Variants in PRIM2 observed in about 807,000 individuals in gnomAD.
PRIM2 encodes DNA primase large subunit.
A neutral mutation model predicts 67.3 loss-of-function variants in PRIM2; 39 were observed. That is an observed-to-expected ratio of 0.58 (90% CI 0.45 to 0.76). The LOEUF is 0.76. Ranked by LOEUF, PRIM2 falls within the 30% of genes least tolerant of loss-of-function variation. The pLI, the probability that PRIM2 is intolerant of heterozygous loss-of-function variation, is 0.00. For synonymous variants in PRIM2, 143 were observed against 198.7 expected (o/e 0.72, Z 2.36); for missense variants, 398 against 598.7 (o/e 0.66, Z 3.50).
chr6:57,612,967 T>C (rs1194391235), intron 12 of PRIM2, among the ~76,000 whole-genome samples: 97 of 152,140 alleles, frequency 6.4e-4, no homozygotes, highest in African/African-American at 2.3e-3. Flanking sequence ...GCTAATTTTT[T>C]ACTTTTTTGT....
chr6:57,365,083 T>C (rs1465072216), intron 5 of PRIM2, among the ~76,000 whole-genome samples: 2 of 151,722 alleles, frequency 1.3e-5, no homozygotes, highest in African/African-American at 4.8e-5. Context: ...GCTGGAGAGG[T>C]GATGGTCTAA....
intron 13 of PRIM2, among the ~76,000 whole-genome samples, chr6:57,644,166 C>G (rs1357817263): frequency 6.6e-6 from 1 of 152,192 alleles, no homozygotes; most frequent in Non-Finnish European, 1.5e-5. Context: ...TGGCCCCTGC[C>G]TGTCTTTCCA....
At chr6:57,625,245 A>G (rs1247396759) in intron 12 of PRIM2, among the ~76,000 whole-genome samples, 4 of 152,174 alleles carry the variant, frequency 2.6e-5, no homozygotes, top group Non-Finnish European at 5.9e-5. Context: ...ATTAATTTAA[A>G]TAAGGTTGTT....
At chr6:57,545,219 G>C (rs1307891376) in intron 10 of PRIM2, among the ~76,000 whole-genome samples, 4 of 151,880 alleles carry the variant, frequency 2.6e-5, no homozygotes, top group Admixed American at 6.6e-5. Context: ...ATTTAACATA[G>C]TATCATATTA....
At chr6:57,451,601 A>T (rs1772552249) in intron 7 of PRIM2, among the ~76,000 whole-genome samples, 1 of 152,186 alleles carries the variant, frequency 6.6e-6, no homozygotes, top group Non-Finnish European at 1.5e-5. Context: ...AAAGAAAAGG[A>T]AAGAATTGTA....
At chr6:57,473,612 C>G (rs1264194210) in intron 7 of PRIM2, among the ~76,000 whole-genome samples, 1 of 152,114 alleles carries the variant, frequency 6.6e-6, no homozygotes, top group Admixed American at 6.5e-5. Context: ...TTCCCCTTCC[C>G]TTTGTTTTCA....
intron 12 of PRIM2, among the ~76,000 whole-genome samples, chr6:57,611,792 C>T (rs1388981086): frequency 6.6e-6 from 1 of 152,000 alleles, no homozygotes; most frequent in Non-Finnish European, 1.5e-5. Context: ...CTGCAAAAGA[C>T]AGCTTTAAGA....
At chr6:57,517,674 T>G (rs1479571808) in intron 8 of PRIM2, among the ~76,000 whole-genome samples, 65 of 152,274 alleles carry the variant, frequency 4.3e-4, no homozygotes, top group African/African-American at 1.6e-3. Context: ...GGCTTAGAGT[T>G]TCAAATCTGA....
the PRIM2 span, among the ~76,000 whole-genome samples, chr6:57,296,533 A>G: frequency 6.6e-6 from 1 of 151,950 alleles, no homozygotes; most frequent in Admixed American, 6.6e-5. Flanking sequence ...TGTAAATTGT[A>G]TGTATATATA....
At chr6:57,462,466 A>C (rs1464375650) in intron 7 of PRIM2, among the ~76,000 whole-genome samples, 1 of 152,222 alleles carries the variant, frequency 6.6e-6, no homozygotes, top group Non-Finnish European at 1.5e-5. Context: ...AAATGAGATT[A>C]ATTAGCCTCT....
the PRIM2 span, among the ~76,000 whole-genome samples, chr6:57,289,025 C>G: frequency 6.6e-6 from 1 of 152,148 alleles, no homozygotes; most frequent in Non-Finnish European, 1.5e-5. Flanking sequence ...GGAGCATGTT[C>G]TAACCCATCT....
chr6:57,446,836 G>C (rs141289550), intron 7 of PRIM2, among the ~76,000 whole-genome samples: 2 of 152,128 alleles, frequency 1.3e-5, no homozygotes, highest in African/African-American at 4.8e-5. Flanking sequence ...TCCACCATCT[G>C]CTTGTGCACC....
At chr6:57,525,464 C>T (rs1257670999) in intron 8 of PRIM2, among the ~76,000 whole-genome samples, 2 of 152,136 alleles carry the variant, frequency 1.3e-5, no homozygotes, top group Admixed American at 1.3e-4. Context: ...CTAATTCTTC[C>T]ACTTTACTCC....
chr6:57,224,204 G>C, the PRIM2 span, among the ~76,000 whole-genome samples: 1 of 152,220 alleles, frequency 6.6e-6, no homozygotes, highest in African/African-American at 2.4e-5. Context: ...AGGAGGCTGA[G>C]ATGGGAGGAT....
At chr6:57,337,396 A>G in intron 5 of PRIM2, among the ~76,000 whole-genome samples, 1 of 151,906 alleles carries the variant, frequency 6.6e-6, no homozygotes, top group Non-Finnish European at 1.5e-5. Flanking sequence ...CCCCAAATCA[A>G]CAGAATATAC....
At chr6:57,559,178 T>TA (rs1775580151) in intron 10 of PRIM2, among the ~76,000 whole-genome samples, 3 of 151,588 alleles carry the variant, frequency 2.0e-5, no homozygotes, top group Non-Finnish European at 1.5e-5. Context: ...GATACAAAGA[T>TA]ATAAGATCAG....
chr6:57,499,648 C>T (rs1173168100), intron 7 of PRIM2, among the ~76,000 whole-genome samples: 1 of 152,166 alleles, frequency 6.6e-6, no homozygotes, highest in East Asian at 1.9e-4. Flanking sequence ...TTCTTTCGGT[C>T]TTCATTTCTG....
At chr6:57,589,882 A>T in intron 10 of PRIM2, among the ~76,000 whole-genome samples, 1 of 152,228 alleles carries the variant, frequency 6.6e-6, no homozygotes, top group South Asian at 2.1e-4. Flanking sequence ...AGCAGGGAAA[A>T]AATTCCAGCC....
chr6:57,604,112 G>A (rs1165461104), intron 11 of PRIM2, among the ~76,000 whole-genome samples: 6 of 152,090 alleles, frequency 3.9e-5, no homozygotes, highest in Non-Finnish European at 8.8e-5. Context: ...TTCAAGAGCA[G>A]CCTGGCCAAC....
Sources: allele counts gnomAD v4.1 joint callset (sites outside exome capture counted in the v4.1 genomes callset), GRCh38; gene constraint gnomAD v4.1.1; transcripts MANE v1.5; gene names NCBI Gene and HGNC (gene_info 2026-07-23, HGNC 2026-07-21).